DSC1: variants seen among roughly 807,000 people sequenced by gnomAD.
DSC1 encodes the protein desmocollin-1.
A neutral mutation model predicts 98.8 loss-of-function variants in DSC1; 79 were observed. That is an observed-to-expected ratio of 0.80 (90% CI 0.67 to 0.96). DSC1 has a LOEUF of 0.96. Ranked by LOEUF, DSC1 falls within the 50% of genes least tolerant of loss-of-function variation. DSC1 has a pLI of 0.00. For synonymous variants in DSC1, 405 were observed against 372.1 expected (o/e 1.09, Z -1.02); for missense variants, 1,115 against 1,075.9 (o/e 1.04, Z -0.51).
At chr18:31,155,997 C>T in intron 4 of DSC1, 46 bp downstream of exon 4, 2 of 1,576,956 alleles carry the variant, frequency 1.3e-6, no homozygotes, top group African/African-American at 1.4e-5. Context: ...AGTTTAAGAA[C>T]AAAAAAAAAT....
intron 9 of DSC1, among the ~76,000 whole-genome samples, chr18:31,140,746 A>G (rs1489390586): frequency 1.3e-5 from 2 of 152,240 alleles, no homozygotes; most frequent in Non-Finnish European, 2.9e-5. Context: ...AATGATATTT[A>G]ACAGCACCTT....
At position 31,134,635 on chromosome 18, in the gene DSC1, G is replaced by T. The variant is rs1355571164; in HGVS notation, c.1813C>A (p.Pro605Thr). Reference protein sequence around the residue: ...PVDPDGPENGPPFQFFLDNSA... With the variant: ...PVDPDGPENGTPFQFFLDNSA... ...TTATCCAGAAAGAATTGAAAAGGTGGTCCATTTTCAGGTCCATCTGGATCT... is the reference window on the plus strand; with the variant it reads ...TTATCCAGAAAGAATTGAAAAGGTGTTCCATTTTCAGGTCCATCTGGATCT... The change falls in exon 12 of 16, where the codon CCA becomes ACA. Residue 605 changes from proline (P) to threonine (T), a missense_variant. By Grantham distance (38) the Pro-to-Thr change is conservative. Coordinates refer to ENST00000257198, the MANE Select transcript of DSC1 (RefSeq NM_024421.2). 1.2e-6 allele frequency: 2 copies of T among 1,612,690 alleles called. No individual in the cohort carries two copies. The highest frequency in any genetic ancestry group is 1.7e-6 in the Non-Finnish European group (2 of 1,179,306).
intron 5 of DSC1, among the ~76,000 whole-genome samples, chr18:31,150,276 C>T (rs1182967414): frequency 6.2e-5 from 7 of 112,258 alleles, no homozygotes; most frequent in East Asian, 6.2e-4. Context: ...ATCACCACTA[C>T]CATCACCACC....
intron 5 of DSC1, among the ~76,000 whole-genome samples, chr18:31,149,440 C>T (rs1322891053): frequency 6.6e-6 from 1 of 152,200 alleles, no homozygotes; most frequent in Non-Finnish European, 1.5e-5. Context: ...CTCCCTCTCT[C>T]TCATAAGCCT....
At chr18:31,131,930 T>A in intron 14 of DSC1, 88 bp from the exon 15 acceptor site, 1 of 1,436,500 alleles carries the variant, frequency 7.0e-7, no homozygotes, top group South Asian at 1.3e-5. Flanking sequence ...GGCAAATCAC[T>A]TGCCTGCTGT....
intron 2 of DSC1, among the ~76,000 whole-genome samples, chr18:31,159,140 G>T (rs1288237774): frequency 1.2e-5 from 1 of 80,098 alleles, no homozygotes; most frequent in South Asian, 3.9e-4. Context: ...TGCAAGCTCC[G>T]CCTCTTGGGT....
chr18:31,155,532 A>G (rs1469113373), intron 4 of DSC1, among the ~76,000 whole-genome samples: 2 of 152,286 alleles, frequency 1.3e-5, no homozygotes, highest in East Asian at 3.9e-4. Context: ...CGGGAGGTTG[A>G]GGCAGGAGAA....
chr18:31,134,606 A>G lies in DSC1; in HGVS notation c.1842T>C (p.Ser614=). The G allele has an allele frequency of 6.2e-7, 1 of 1,611,954 alleles. No homozygotes were observed. The highest frequency in any genetic ancestry group is 8.5e-7 in the Non-Finnish European group (1 of 1,178,872). ...GPPFQFFLDN[S]ASKNWNIEEK... ...CTTCTATGTTCCAGTTTTTACTGGC[A>G]GAATTATCCAGAAAGAATTGAAAAG... The change falls in exon 12 of 16, where the codon TCT becomes TCC. Residue 614 remains serine, a synonymous_variant. Coordinates refer to ENST00000257198, the MANE Select transcript of DSC1 (RefSeq NM_024421.2).
chr18:31,159,433 A>G lies in DSC1; in HGVS notation c.148+12T>C. 1 of 1,610,208 alleles carries G rather than the reference A, an allele frequency of 6.2e-7. No individual in the cohort carries two copies. Among genetic ancestry groups the G allele is most frequent in the Non-Finnish European group, 8.5e-7 (1 of 1,177,606 alleles). ...AAGTTACAGCTATGAAACTGTTAAT[A>G]GTGTTTCTCACCTTTGCCTACAAGT... is the stretch of plus-strand genomic sequence containing the variant. On this transcript the variant is annotated intron_variant, in intron 2 of 15. Transcript: ENST00000257198.
intron 1 of DSC1, among the ~76,000 whole-genome samples, chr18:31,159,869 A>G (rs1685178726): frequency 6.6e-6 from 1 of 152,212 alleles, no homozygotes; most frequent in Non-Finnish European, 1.5e-5. Context: ...GATTTTTAGC[A>G]TGAAGAAAAT....
intron 13 of DSC1, 82 bp downstream of exon 13, chr18:31,133,809 A>G: frequency 7.3e-7 from 1 of 1,368,146 alleles, no homozygotes; most frequent in South Asian, 1.5e-5. Flanking sequence ...AAGGCTATTA[A>G]TATAAAAAAC....
At chr18:31,136,152 A>G (rs937793010) in intron 11 of DSC1, among the ~76,000 whole-genome samples, 1 of 152,030 alleles carries the variant, frequency 6.6e-6, no homozygotes, top group Non-Finnish European at 1.5e-5. Context: ...GAAATTTGCA[A>G]TAGCATATAA....
At position 31,157,581 on chromosome 18, in the gene DSC1, G is replaced by C; in HGVS notation, c.149-8C>G. The C allele has an allele frequency of 6.2e-7, 1 of 1,614,030 alleles. No individual in the cohort carries two copies. Among genetic ancestry groups the C allele is most frequent in the African/African-American group, 1.3e-5 (1 of 75,040 alleles). ...GACACTCCTCCAGATTCACTGCAGGGAAGAAATATCACAGCAGTTTGTCAG... is the reference window on the plus strand; with the variant it reads ...GACACTCCTCCAGATTCACTGCAGGCAAGAAATATCACAGCAGTTTGTCAG... On this transcript the variant is annotated splice_region_variant and splice_polypyrimidine_tract_variant and intron_variant, in intron 2 of 15. Coordinates refer to ENST00000257198, the MANE Select transcript of DSC1 (RefSeq NM_024421.2).
At chr18:31,159,911 G>A (rs1251725449) in intron 1 of DSC1, among the ~76,000 whole-genome samples, 1 of 152,084 alleles carries the variant, frequency 6.6e-6, no homozygotes, top group Non-Finnish European at 1.5e-5. Flanking sequence ...TTACATATAT[G>A]CCCTAATTCT....
chr18:31,156,248 A>T (rs1242452978), intron 3 of DSC1, 86 bp from the exon 4 acceptor site: 2 of 1,510,526 alleles, frequency 1.3e-6, no homozygotes, highest in Non-Finnish European at 8.9e-7. Context: ...CAACAAGCAG[A>T]TGTAAGGGTT....
intron 5 of DSC1, among the ~76,000 whole-genome samples, chr18:31,154,247 T>C (rs2143925111): frequency 6.6e-6 from 1 of 150,812 alleles, no homozygotes; most frequent in Admixed American, 6.7e-5. Context: ...AGGGATCTCA[T>C]TGCTGAAGAA....
Position 31,140,088 on chromosome 18 carries a change from C to T in DSC1, c.1474G>A (p.Gly492Arg). The change falls in exon 10 of 16, where the codon GGA becomes AGA. Residue 492 changes from glycine to arginine, a missense_variant. Physicochemically the swap from Gly to Arg is moderately radical, Grantham distance 125 (BLOSUM62 -2). Coordinates refer to ENST00000257198, the MANE Select transcript of DSC1 (RefSeq NM_024421.2). ...ATTTCCGGGTCCAGTGCTTTGTATC[C>T]AAGGAGTTCTTGGCCAGCTGGGAAG... is the stretch of plus-strand genomic sequence containing the variant. The part of the protein sequence containing the change: ...DGFPAGQELL[G>R]YKALDPEISS... The T allele has an allele frequency of 1.2e-6, 2 of 1,613,958 alleles. No individual in the cohort carries two copies. Among genetic ancestry groups the T allele is most frequent in the South Asian group, 1.1e-5 (1 of 91,078 alleles).
At position 31,145,536 on chromosome 18, in the gene DSC1, T is replaced by C. The variant is rs543935444; in HGVS notation, c.939+75A>G. The C allele has an allele frequency of 1.7e-4, 261 of 1,544,538 alleles. No homozygotes were observed. The African/African-American group carries it at 3.4e-3, about 20-fold the overall frequency. ...GAGAAAGGAGGCCAGACTGGCCATA[T>C]TGCAACTTCTCTCGGGAGTTCATTC... is the stretch of plus-strand genomic sequence containing the variant. On this transcript the variant is annotated intron_variant, in intron 7 of 15. Transcript: ENST00000257198.
rs75528377 is a variant in DSC1, at chr18:31,143,396, T to C, written c.1074+261A>G. ...ACCAAAAAAATAAAATAAAATAAAA[T>C]AAAAGTTTAACACATGAGCTACGTC... On this transcript the variant is annotated intron_variant, in intron 8 of 15. Transcript: ENST00000257198. Among the ~76,000 whole-genome samples the C allele has an allele frequency of 1.2e-3, 107 of 92,250 alleles. 2 individuals are homozygous for C. The highest frequency in any genetic ancestry group is 4.3e-3 in the African/African-American group (104 of 24,110). The allele number at this position is 92,250 out of a possible 152,430, so 60.5% of individuals were successfully genotyped here. A position where few individuals can be genotyped will look rare whatever the true frequency, so the allele number is the denominator to read the frequency against.
Sources: gnomAD v4.1 joint callset for allele counts (sites outside exome capture counted in the v4.1 genomes callset) on GRCh38, gnomAD v4.1.1 for gene constraint, MANE v1.5 for transcripts, NCBI Gene and HGNC (gene_info 2026-07-23, HGNC 2026-07-21) for gene names.